The following DPF3 variants were observed in gnomAD, a reference collection of about 807,000 sequenced individuals.
DPF3 encodes the protein double PHD fingers 3.
Under a neutral mutation model 56.8 loss-of-function variants are expected in DPF3, and 18 were observed. That is an observed-to-expected ratio of 0.32 (90% CI 0.22 to 0.47). The LOEUF (loss-of-function observed/expected upper bound fraction) is 0.47. Among genes scored for constraint, DPF3 ranks in the 20% least tolerant of loss-of-function variants. DPF3 has a pLI of 1.00. For missense variants in DPF3, 403 were observed against 488.8 expected, an observed-to-expected ratio of 0.82 and a Z score of 1.65; for synonymous variants, 188 against 180.2, an observed-to-expected ratio of 1.04 and a Z score of -0.35.
chr14:72,734,745 C>T (rs1235277947), intron 3 of DPF3, among the ~76,000 whole-genome samples: 1 of 152,116 alleles, frequency 6.6e-6, no homozygotes, highest in African/African-American at 2.4e-5. Flanking sequence ...AACAGCCACA[C>T]AGCAGGATGA....
At chr14:72,798,572 A>T (rs1388778574) in intron 1 of DPF3, among the ~76,000 whole-genome samples, 1 of 152,218 alleles carries the variant, frequency 6.6e-6, no homozygotes, top group Admixed American at 6.5e-5. Context: ...TACCTGCAAG[A>T]TGTATCCTCT....
chr14:72,861,180 C>G (rs1470518821), intron 1 of DPF3, among the ~76,000 whole-genome samples: 1 of 152,112 alleles, frequency 6.6e-6, no homozygotes, highest in Non-Finnish European at 1.5e-5. Flanking sequence ...CTCTCTCGCT[C>G]ACTCTGTGTA....
rs1251121527 is a variant in DPF3, at chr14:72,612,586, A to G, written c.*6711T>C. ...TATCACGGCAGAGGGAAGGGAGGAA[A>G]CAGTGCAGGGAAGGGAGAGGGCAGG... is the stretch of plus-strand genomic sequence containing the variant. On this transcript the variant is annotated 3_prime_UTR_variant, in exon 11 of 11. Coordinates refer to ENST00000556509, the MANE Select transcript of DPF3 (RefSeq NM_001280542.3). 1.9e-6 allele frequency: 1 copy of G among 515,202 alleles called. No individual in the cohort carries two copies. Among genetic ancestry groups the G allele is most frequent in the African/African-American group, 2.0e-5 (1 of 50,332 alleles). The allele number at this position is 515,202 out of a possible 1,614,324, so 31.9% of individuals were successfully genotyped here. A position where few individuals can be genotyped will look rare whatever the true frequency, so the allele number is the denominator to read the frequency against.
intron 1 of DPF3, among the ~76,000 whole-genome samples, chr14:72,794,364 C>G (rs1892555581): frequency 6.6e-6 from 1 of 152,216 alleles, no homozygotes; most frequent in Non-Finnish European, 1.5e-5. Context: ...AGGGGCCTCT[C>G]TGTCCACACA....
At chr14:72,681,969 C>T (rs1329214918) in intron 7 of DPF3, among the ~76,000 whole-genome samples, 1 of 152,326 alleles carries the variant, frequency 6.6e-6, no homozygotes, top group South Asian at 2.1e-4. Flanking sequence ...AATCCCAGCA[C>T]TTTGGGAGGC....
chr14:72,853,620 G>A (rs777564512), intron 1 of DPF3, among the ~76,000 whole-genome samples: 3 of 151,930 alleles, frequency 2.0e-5, no homozygotes, highest in Admixed American at 1.3e-4. Flanking sequence ...TACTACAGGC[G>A]CGGACCACCA....
rs141873517 is a variant in DPF3, at chr14:72,848,188, C to T, written c.32+45869G>A. ...TTATTTTTTTTTGGACACAGAGTCT[C>T]GCTCTGTCGCCCAGGCTGGAGTGCA... On this transcript the variant is annotated intron_variant, in intron 1 of 10. Transcript: ENST00000556509. 5.9e-5 allele frequency among the ~76,000 whole-genome samples: 9 copies of T among 151,864 alleles called. No homozygotes were observed. In the East Asian group the frequency reaches 1.4e-3, roughly 23 times the overall value.
chr14:72,868,481 C>T (rs1330642557), intron 1 of DPF3, among the ~76,000 whole-genome samples: 6 of 152,188 alleles, frequency 3.9e-5, no homozygotes, highest in Admixed American at 2.0e-4. Flanking sequence ...CATGAAAATC[C>T]GATTGCATGG....
chr14:72,808,470 C>A (rs149079383), intron 1 of DPF3, among the ~76,000 whole-genome samples: 1 of 152,180 alleles, frequency 6.6e-6, no homozygotes, highest in Non-Finnish European at 1.5e-5. Flanking sequence ...GTGGGACTTA[C>A]AAGCAGGACC....
chr14:72,879,926 T>C, intron 1 of DPF3: 1 of 1,508,820 alleles, frequency 6.6e-7, no homozygotes, highest in Non-Finnish European at 8.8e-7. Context: ...ATCCACAACT[T>C]TCATAGGATT....
rs75487443 is a variant in DPF3, at chr14:72,687,963, G to A, written c.742+5113C>T. On this transcript the variant is annotated intron_variant, in intron 7 of 10. Transcript: ENST00000556509. ...CCCTAAGGCATAGAAAGTACCCTGT[G>A]CCCTTGAGTCCTGAACTCCCTCACG... is the stretch of plus-strand genomic sequence containing the variant. Among the ~76,000 whole-genome samples, 954 of 151,838 alleles carry A rather than the reference G, an allele frequency of 6.3e-3. 20 individuals are homozygous for A. The East Asian group carries it at 0.066, about 11-fold the overall frequency.
At position 72,619,098 on chromosome 14, in the gene DPF3, C is replaced by G. The variant is rs1196284592; in HGVS notation, c.*199G>C. On this transcript the variant is annotated 3_prime_UTR_variant, in exon 11 of 11. Transcript: ENST00000556509. ...TCCTTCCGGTAGAGACAAGGAGGTG[C>G]TGGCTGAAGTTCCGTACATATCGGG... Among the ~76,000 whole-genome samples the G allele has an allele frequency of 1.3e-5, 2 of 152,236 alleles. No individual in the cohort carries two copies. Among genetic ancestry groups the G allele is most frequent in the African/African-American group, 4.8e-5 (2 of 41,472 alleles).
intron 1 of DPF3, among the ~76,000 whole-genome samples, chr14:72,834,074 C>T (rs1464642654): frequency 6.6e-6 from 1 of 151,984 alleles, no homozygotes; most frequent in Non-Finnish European, 1.5e-5. Context: ...CCCAGCTGCT[C>T]AAGAGGCTGA....
intron 3 of DPF3, among the ~76,000 whole-genome samples, chr14:72,742,958 C>T (rs1031181367): frequency 2.0e-5 from 3 of 152,150 alleles, no homozygotes; most frequent in Admixed American, 2.0e-4. Context: ...GTCCCTACGA[C>T]TTGCTTGTTG....
chr14:72,870,706 G>A (rs140343813), intron 1 of DPF3, among the ~76,000 whole-genome samples: 1 of 152,322 alleles, frequency 6.6e-6, no homozygotes, highest in African/African-American at 2.4e-5. Flanking sequence ...AAAGATGCCA[G>A]TGTAAGGAAA....
intron 9 of DPF3, among the ~76,000 whole-genome samples, chr14:72,629,102 A>AT (rs1434165663): frequency 2.6e-5 from 4 of 152,200 alleles, no homozygotes; most frequent in Admixed American, 1.3e-4. Context: ...GGAATTATTG[A>AT]TTTTTTAGCT....
At chr14:72,861,795 GAAAGAAA>G (rs1885446667) in intron 1 of DPF3, among the ~76,000 whole-genome samples, 1 of 150,712 alleles carries the variant, frequency 6.6e-6, no homozygotes, top group Non-Finnish European at 1.5e-5. Flanking sequence ...AAGAAAGAAA[GAAAGAAA>G]GAAGGAAAGA....
At chr14:72,892,984 G>A (rs1886821856) in intron 1 of DPF3, among the ~76,000 whole-genome samples, 1 of 149,602 alleles carries the variant, frequency 6.7e-6, no homozygotes, top group African/African-American at 2.5e-5. Context: ...AGGAAGGAAG[G>A]AAGGAAGGAA....
chr14:72,774,041 T>C (rs1891656217), intron 1 of DPF3: 2 of 449,422 alleles, frequency 4.5e-6, no homozygotes, highest in Admixed American at 4.7e-5. Flanking sequence ...TCCCAGCACT[T>C]TGGGAGGCTG....
Sources: gnomAD v4.1 joint callset for allele counts (sites outside exome capture counted in the v4.1 genomes callset) on GRCh38, gnomAD v4.1.1 for gene constraint, MANE v1.5 for transcripts, NCBI Gene and HGNC (gene_info 2026-07-23, HGNC 2026-07-21) for gene names.